The following HEPHL1 variants were observed in gnomAD, a reference collection of about 807,000 sequenced individuals.
The protein encoded by HEPHL1 is hephaestin like 1.
In HEPHL1, 123 loss-of-function variants were observed where a neutral mutation model predicts 122.0. The ratio of observed to expected loss-of-function variants is 1.01; its 90% CI spans 0.87 to 1.17. HEPHL1 has a LOEUF of 1.17. Ranked by LOEUF, HEPHL1 falls within the 50% of genes most tolerant of loss-of-function variation. HEPHL1 has a pLI of 0.00. For missense variants in HEPHL1, 1,452 were observed against 1,430.5 expected (o/e 1.01, Z -0.24); for synonymous variants, 527 against 508.9 (o/e 1.04, Z -0.48).
chr11:94,095,497 T>A (rs1946303875), intron 13 of HEPHL1, among the ~76,000 whole-genome samples: 1 of 152,222 alleles, frequency 6.6e-6, no homozygotes, highest in African/African-American at 2.4e-5. Context: ...TGGTTCCATA[T>A]GAACTTTAAA....
intron 9 of HEPHL1, among the ~76,000 whole-genome samples, chr11:94,079,891 T>C (rs1055278285): frequency 6.6e-6 from 1 of 151,900 alleles, no homozygotes; most frequent in African/African-American, 2.4e-5. Context: ...CAGGAAAGCA[T>C]TGAGGGATAG....
At chr11:94,092,818 G>A (rs1346662486) in intron 12 of HEPHL1, among the ~76,000 whole-genome samples, 1 of 152,088 alleles carries the variant, frequency 6.6e-6, no homozygotes, top group Non-Finnish European at 1.5e-5. Flanking sequence ...TTGATCTGTT[G>A]ATGAAAATAT....
At position 94,066,538 on chromosome 11, in the gene HEPHL1, A is replaced by C. The variant is rs189916949; in HGVS notation, c.809-958A>C. 3.8e-3 allele frequency among the ~76,000 whole-genome samples: 576 copies of C among 152,302 alleles called. 5 individuals carry two copies. Among genetic ancestry groups the C allele is most frequent in the African/African-American group, 0.013 (543 of 41,538 alleles). On this transcript the variant is annotated intron_variant, in intron 4 of 19. Coordinates refer to ENST00000315765, the MANE Select transcript of HEPHL1 (RefSeq NM_001098672.2). ...CACTGCACTTCAGCCTGGGTGTGAC[A>C]GAGCGAGACTCCATCTCAAAAGAAA...
chr11:94,025,251 A>G (rs908726188), intron 1 of HEPHL1, among the ~76,000 whole-genome samples: 2 of 152,194 alleles, frequency 1.3e-5, no homozygotes, highest in African/African-American at 2.4e-5. Flanking sequence ...TCTATTTAGA[A>G]ATACTTTCTC....
At chr11:94,037,068 G>T (rs569700356) in intron 1 of HEPHL1, among the ~76,000 whole-genome samples, 1 of 152,306 alleles carries the variant, frequency 6.6e-6, no homozygotes, top group Admixed American at 6.5e-5. Context: ...AAGCGCAAGG[G>T]GTCAGGGAGT....
intron 17 of HEPHL1, among the ~76,000 whole-genome samples, chr11:94,108,271 A>G (rs573614207): frequency 1.3e-5 from 2 of 152,228 alleles, no homozygotes; most frequent in East Asian, 3.9e-4. Context: ...TCCTTATTGT[A>G]GAGTTTGAGG....
At chr11:94,081,698 AT>A (rs1281301944) in intron 9 of HEPHL1, among the ~76,000 whole-genome samples, 1 of 152,120 alleles carries the variant, frequency 6.6e-6, no homozygotes, top group East Asian at 1.9e-4. Context: ...TTTTCCAGGC[AT>A]TTTTCTTGGT....
At chr11:94,050,179 T>C (rs1321520261) in intron 2 of HEPHL1, among the ~76,000 whole-genome samples, 1 of 152,182 alleles carries the variant, frequency 6.6e-6, no homozygotes, top group Non-Finnish European at 1.5e-5. Flanking sequence ...TTAATTTTTG[T>C]ATGTTGAAGT....
At chr11:94,083,440 G>A (rs761284549) in intron 10 of HEPHL1, among the ~76,000 whole-genome samples, 4 of 152,156 alleles carry the variant, frequency 2.6e-5, no homozygotes, top group Admixed American at 6.5e-5. Context: ...TTACTCTTAG[G>A]CATATTACCT....
In HEPHL1 at chr11:94,104,450, C is replaced by G. The variant is rs144784573; in HGVS notation, c.2683-78C>G. 5.0e-4 allele frequency: 498 copies of G among 999,822 alleles called. 3 individuals carry two copies. In the African/African-American group the frequency reaches 6.5e-3, roughly 13 times the overall value. The allele number at this position is 999,822 out of a possible 1,614,324, so 61.9% of individuals were successfully genotyped here. A position where few individuals can be genotyped will look rare whatever the true frequency, so the allele number is the denominator to read the frequency against. ...CAGGGTGAGGTATTATGACCCTACA[C>G]TAGAATGGTGGCAGGTGGAATGAAA... On this transcript the variant is annotated intron_variant, in intron 15 of 19. Transcript: ENST00000315765.
chr11:94,054,097 T>TG (rs1945914751), intron 2 of HEPHL1, among the ~76,000 whole-genome samples: 3 of 152,310 alleles, frequency 2.0e-5, no homozygotes, highest in African/African-American at 7.2e-5. Flanking sequence ...GTTCTTTTTT[T>TG]GGGGAAGGTC....
At chr11:94,070,583 G>C (rs1190500352) in intron 6 of HEPHL1, 41 bp downstream of exon 6, 1 of 1,517,966 alleles carries the variant, frequency 6.6e-7, no homozygotes, top group Non-Finnish European at 9.0e-7. Context: ...TCTCGTCAGA[G>C]AAGCATGTGT....
At chr11:94,096,347 A>T (rs1360802808) in intron 13 of HEPHL1, among the ~76,000 whole-genome samples, 1 of 152,222 alleles carries the variant, frequency 6.6e-6, no homozygotes, top group Non-Finnish European at 1.5e-5. Flanking sequence ...ATGTTGAACC[A>T]GTCTTGCATC....
At chr11:94,082,620 A>G (rs1946181197) in intron 10 of HEPHL1, 52 bp downstream of exon 10, 1 of 1,524,998 alleles carries the variant, frequency 6.6e-7, no homozygotes, top group Non-Finnish European at 8.9e-7. Context: ...TTGCATTAGA[A>G]GTGAAAATGA....
At chr11:94,068,927 C>T (rs931801207) in intron 5 of HEPHL1, among the ~76,000 whole-genome samples, 2 of 152,180 alleles carry the variant, frequency 1.3e-5, no homozygotes, top group Admixed American at 6.5e-5. Flanking sequence ...TTTTGTAACA[C>T]ATTCTTGTTC....
chr11:94,043,895 T>A (rs1945809700), intron 1 of HEPHL1, among the ~76,000 whole-genome samples: 1 of 151,930 alleles, frequency 6.6e-6, no homozygotes, highest in Non-Finnish European at 1.5e-5. Flanking sequence ...TTCCTCCATA[T>A]CCCTGGTACT....
chr11:94,103,074 T>A, intron 15 of HEPHL1, 54 bp downstream of exon 15: 1 of 1,002,760 alleles, frequency 1.0e-6, no homozygotes, highest in South Asian at 1.3e-5. Context: ...GAAAGTTGAC[T>A]ACTTGGGTCA....
chr11:94,109,900 C>A (rs72968770), intron 17 of HEPHL1, among the ~76,000 whole-genome samples: 5,203 of 152,226 alleles, frequency 0.034, 193 homozygotes, highest in East Asian at 0.13. Flanking sequence ...AGTTTGTTTA[C>A]AATTGGTATT....
At chr11:94,060,536 C>T (rs1467290924) in intron 2 of HEPHL1, among the ~76,000 whole-genome samples, 1 of 152,094 alleles carries the variant, frequency 6.6e-6, no homozygotes, top group African/African-American at 2.4e-5. Flanking sequence ...TGATTATCAC[C>T]ACCTAACAGA....
Sources: allele counts gnomAD v4.1 joint callset (sites outside exome capture counted in the v4.1 genomes callset), GRCh38; gene constraint gnomAD v4.1.1; transcripts MANE v1.5; gene names NCBI Gene and HGNC (gene_info 2026-07-23, HGNC 2026-07-21).